Variants in CDAN1 observed in about 807,000 individuals in gnomAD.
CDAN1 encodes the protein codanin 1, also known as codanin-1.
Under a neutral mutation model 139.8 loss-of-function variants are expected in CDAN1, and 107 were observed. The observed-to-expected ratio is 0.77, with a 90% confidence interval of 0.65 to 0.90. The LOEUF (loss-of-function observed/expected upper bound fraction) is 0.90. Among genes scored for constraint, CDAN1 ranks in the 40% least tolerant of loss-of-function variants. CDAN1 has a pLI of 0.00. For missense variants in CDAN1, 1,667 were observed against 1,575.7 expected, an observed-to-expected ratio of 1.06 and a Z score of -0.98; for synonymous variants, 776 against 660.6, an observed-to-expected ratio of 1.17 and a Z score of -2.68.
rs765530912 is a variant in CDAN1, at chr15:42,728,691, A to G, written c.2765T>C (p.Leu922Pro). The change falls in exon 20 of 28, where the codon CTG (leucine) becomes CCG (proline). Residue 922 changes from leucine to proline, a missense_variant. Physicochemically the swap from Leu to Pro is moderately conservative, Grantham distance 98. Coordinates refer to ENST00000356231, the MANE Select transcript of CDAN1 (RefSeq NM_138477.4). ...CAATGCCTGGGCCCCGTGAGGGCAC[A>G]GCTGGGAACACAAGATCTCCAACAG... Reference protein sequence around the residue: ...AQLLEILCSQLCPHGAQALAL... With the variant: ...AQLLEILCSQPCPHGAQALAL... The G allele has an allele frequency of 1.9e-6, 3 of 1,614,200 alleles. No homozygotes were observed. The highest frequency in any genetic ancestry group is 2.5e-6 in the Non-Finnish European group (3 of 1,180,036).
rs120074166 is a variant in CDAN1, at chr15:42,731,275, T to C, written c.1796A>G (p.Asn599Ser). The stretch of plus-strand genomic sequence containing the variant: ...CTCATGCTGGGGCAGGGCAAGACCA[T>C]TGAGCTCCTGGATCTTCAAGCTCAG... ...DSLSLKIQEL[N>S]GLALPQHEPN... is the part of the protein sequence containing the mutation. Residue 599 changes from asparagine to serine, a missense_variant, in exon 12 of 28, where the codon AAT (asparagine) becomes AGT (serine). Physicochemically the swap from Asn to Ser is conservative, Grantham distance 46. Around this residue, in one of 3 missense-constraint regions of CDAN1, gnomAD observed 936 missense variants for 844.1 expected, o/e 1.11. Transcript: ENST00000356231. 2.2e-5 allele frequency: 35 copies of C among 1,614,046 alleles called. No homozygotes were observed. Among genetic ancestry groups the C allele is most frequent in the Admixed American group, 5.0e-5 (3 of 60,004 alleles).
At chr15:42,727,909 A>G (rs752411544) in intron 22 of CDAN1, 46 bp downstream of exon 22, 1 of 1,606,028 alleles carries the variant, frequency 6.2e-7, no homozygotes, top group Non-Finnish European at 8.5e-7. Flanking sequence ...CTGCCAGTCC[A>G]CTTTTTAAAC....
rs181942118 is a variant in CDAN1, at chr15:42,726,217, C to T, written c.3205-57G>A. ...ATAGGTATCACCATGCTTACTGCTG[C>T]GAGAACTGGCCCTGAGCCAGTGTGG... On this transcript the variant is annotated intron_variant, in intron 24 of 27. Transcript: ENST00000356231. 1,067 of 1,605,316 alleles carry T rather than the reference C, an allele frequency of 6.6e-4. 11 individuals are homozygous for T. In the Admixed American group the frequency reaches 0.017, roughly 26 times the overall value.
intron 23 of CDAN1, chr15:42,727,346 A>T (rs573780876): frequency 5.2e-5 from 21 of 401,952 alleles, no homozygotes; most frequent in Non-Finnish European, 8.8e-5. Flanking sequence ...CCGCACTCTC[A>T]TCACCATCTG....
In CDAN1 at chr15:42,736,045, C is replaced by A. The variant is rs1595863943; in HGVS notation, c.603G>T (p.Pro201=). ...TKPSRRINPT[P]VSEERSLSKP... ...TGGAGAGTGACCGCTCTTCGCTCAC[C>A]GGAGTTGGGTTGATCCTGCGAGAAG... The change falls in exon 3 of 28, where the codon CCG becomes CCT. Residue 201 remains proline (P), a synonymous_variant. Coordinates refer to ENST00000356231, the MANE Select transcript of CDAN1 (RefSeq NM_138477.4). 3.1e-6 allele frequency: 5 copies of A among 1,614,156 alleles called. No individual in the cohort carries two copies. In the East Asian group the frequency reaches 1.1e-4, roughly 36 times the overall value.
chr15:42,724,483 TCTC>T lies in CDAN1; in HGVS notation c.*5_*7del. The T allele has an allele frequency of 1.9e-6, 3 of 1,577,092 alleles. No individual in the cohort carries two copies. The highest frequency in any genetic ancestry group is 2.6e-6 in the Non-Finnish European group (3 of 1,160,336). ...GTGCAATGCCCAAGGCAGGGCCACT[TCTC>T]AGCCCTAGCTCTGGGCCAGCACAGT... On this transcript the variant is annotated 3_prime_UTR_variant, in exon 28 of 28. Coordinates refer to ENST00000356231, the MANE Select transcript of CDAN1 (RefSeq NM_138477.4).
Position 42,731,600 on chromosome 15 carries a change from C to G in CDAN1, c.1739+20G>C, listed in dbSNP as rs768906478. 1.2e-6 allele frequency: 2 copies of G among 1,612,822 alleles called. No individual in the cohort carries two copies. The highest frequency in any genetic ancestry group is 2.2e-5 in the South Asian group (2 of 91,010). The stretch of plus-strand genomic sequence containing the variant: ...TTCCTGGCCTCTGCCCCATTCCTTG[C>G]AAGACACAGGGGAGCCTACCTGCTG... On this transcript the variant is annotated intron_variant, in intron 11 of 27. Coordinates refer to ENST00000356231, the MANE Select transcript of CDAN1 (RefSeq NM_138477.4).
chr15:42,736,609 C>T lies in CDAN1; in HGVS notation c.262G>A (p.Gly88Ser). ...ASAALPGRPG[G>S]PPRGSRGARS... is the part of the protein sequence containing the mutation. ...GCCCCGCGGCTACCCCGCGGCGGGC[C>T]TCCCGGCCTCCCTGGCAAGGCTGCC... Residue 88 changes from glycine (G) to serine (S), a missense_variant, in exon 2 of 28, where the codon GGC (glycine) becomes AGC (serine). Coordinates refer to ENST00000356231, the MANE Select transcript of CDAN1 (RefSeq NM_138477.4). 3 of 1,506,070 alleles carry T rather than the reference C, an allele frequency of 2.0e-6. No individual in the cohort carries two copies. The highest frequency in any genetic ancestry group is 1.8e-6 in the Non-Finnish European group (2 of 1,128,988). The allele number at this position is 1,506,070 out of a possible 1,614,324, so 93.3% of individuals were successfully genotyped here. A position where few individuals can be genotyped will look rare whatever the true frequency, so the allele number is the denominator to read the frequency against.
chr15:42,727,643 G>A lies in CDAN1; in HGVS notation c.3074C>T (p.Ser1025Phe). The stretch of plus-strand genomic sequence containing the variant: ...TACTTTTATCTCGGAGATGAGGTGG[G>A]AGGGGAGGGGAGCATGGTGCTCACA... ...RACEHHAPLP[S>F]HLISEIKDVL... The change falls in exon 23 of 28, where the codon TCC (serine) becomes TTC (phenylalanine). Residue 1025 changes from serine (S) to phenylalanine (F), a missense_variant. Physicochemically the swap from Ser to Phe is radical, Grantham distance 155. This residue lies in a region of CDAN1 where 936 missense variants were observed against 844.1 expected (regional missense o/e 1.11). Coordinates refer to ENST00000356231, the MANE Select transcript of CDAN1 (RefSeq NM_138477.4). 18 of 1,581,602 alleles carry A rather than the reference G, an allele frequency of 1.1e-5. No homozygotes were observed. The highest frequency in any genetic ancestry group is 1.6e-5 in the Non-Finnish European group (18 of 1,160,966).
chr15:42,731,430 G>A (rs1451750652), intron 11 of CDAN1, 99 bp from the exon 12 acceptor site: 1 of 1,550,528 alleles, frequency 6.4e-7, no homozygotes, highest in Non-Finnish European at 8.9e-7. Context: ...CAGCAGGACA[G>A]ACAGGGAGGC....
In CDAN1 at chr15:42,727,766, A is replaced by T. The variant is rs1303795074; in HGVS notation, c.2951T>A (p.Leu984Gln). The stretch of plus-strand genomic sequence containing the variant: ...TGCTGCTTTCACCTCCCTCCTGATC[A>T]GTGCTGTGGGGCAGAGGGAGAATGG... ...CAWLSANITA[L>Q]IRREVKAAVS... Residue 984 changes from leucine to glutamine, a missense_variant, in exon 23 of 28, where the codon CTG (leucine) becomes CAG (glutamine). Around this residue, in one of 3 missense-constraint regions of CDAN1, gnomAD observed 936 missense variants for 844.1 expected, o/e 1.11. Transcript: ENST00000356231. 4 of 1,600,732 alleles carry T rather than the reference A, an allele frequency of 2.5e-6. No individual in the cohort carries two copies. Among genetic ancestry groups the T allele is most frequent in the Non-Finnish European group, 2.6e-6 (3 of 1,171,964 alleles).
chr15:42,730,516 C>T (rs1178365363), intron 14 of CDAN1, 82 bp downstream of exon 14: 8 of 1,519,306 alleles, frequency 5.3e-6, no homozygotes, highest in East Asian at 2.3e-5. Context: ...GCAGACTGCT[C>T]GACCCTCTTT....
intron 13 of CDAN1, 46 bp from the exon 14 acceptor site, chr15:42,730,810 C>A: frequency 6.2e-7 from 1 of 1,612,990 alleles, no homozygotes; most frequent in Non-Finnish European, 8.5e-7. Flanking sequence ...CTAGGAAGGG[C>A]TGGGAGATGC....
intron 12 of CDAN1, 45 bp downstream of exon 12, chr15:42,731,166 C>A (rs2061605651): frequency 2.5e-6 from 4 of 1,614,086 alleles, no homozygotes; most frequent in Non-Finnish European, 3.4e-6. Flanking sequence ...TACTCCCTTC[C>A]CTCCTGGGTC....
At chr15:42,734,121 G>T in intron 7 of CDAN1, 74 bp from the exon 8 acceptor site, 1 of 1,597,980 alleles carries the variant, frequency 6.3e-7, no homozygotes, top group Non-Finnish European at 8.6e-7. Context: ...CTTGCCCAGA[G>T]TTAGCTCACA....
At chr15:42,735,750 G>C in intron 3 of CDAN1, 71 bp from the exon 4 acceptor site, 1 of 1,590,802 alleles carries the variant, frequency 6.3e-7, no homozygotes, top group Non-Finnish European at 8.6e-7. Context: ...GGTCACTCCA[G>C]AGAAGATACC....
chr15:42,731,014 G>A lies in CDAN1; in HGVS notation c.1918C>T (p.Leu640=), dbSNP rs375249114. 8.1e-6 allele frequency: 13 copies of A among 1,614,046 alleles called. No homozygotes were observed. Among genetic ancestry groups the A allele is most frequent in the African/African-American group, 1.3e-5 (1 of 74,910 alleles). ...LLSLRLLAKF[L]GFVAFLPYRG... is the part of the protein sequence containing the mutation. ...TATGGCAGGAAAGCCACAAAGCCCA[G>A]GAATTTAGCCAAAAGTCTCAGGCTA... Residue 640 remains leucine (L), a synonymous_variant, in exon 13 of 28, where the codon CTG becomes TTG. Coordinates refer to ENST00000356231, the MANE Select transcript of CDAN1 (RefSeq NM_138477.4).
chr15:42,735,873 A>G lies in CDAN1; in HGVS notation c.773+2T>C. The G allele has an allele frequency of 6.2e-7, 1 of 1,613,850 alleles. No homozygotes were observed. Among genetic ancestry groups the G allele is most frequent in the Non-Finnish European group, 8.5e-7 (1 of 1,179,840 alleles). On this transcript the variant is annotated splice_donor_variant, in intron 3 of 27. Coordinates refer to ENST00000356231, the MANE Select transcript of CDAN1 (RefSeq NM_138477.4). LOFTEE classifies it high-confidence loss of function. ...ATATCCCCAGGAGCGGCCAGGCCAT[A>G]CCGCTCCTTCCTGAGCATCTCTCGC...
intron 16 of CDAN1, 51 bp from the exon 17 acceptor site, chr15:42,729,673 A>G (rs1320338011): frequency 6.2e-7 from 1 of 1,608,802 alleles, no homozygotes; most frequent in Non-Finnish European, 8.5e-7. Context: ...CAGCGCACCC[A>G]GAAAGCAGGC....
Sources: allele counts gnomAD v4.1 joint callset, GRCh38; gene constraint gnomAD v4.1.1; regional missense constraint gnomAD v4.1.1; transcripts MANE v1.5; gene names NCBI Gene and HGNC (gene_info 2026-07-23, HGNC 2026-07-21).